DIAPH3: variants seen among roughly 807,000 people sequenced by gnomAD.
The protein encoded by DIAPH3 is protein diaphanous homolog 3.
DIAPH3 carries 117 observed loss-of-function variants against 144.3 expected under a neutral mutation model. The ratio of observed to expected loss-of-function variants is 0.81; its 90% confidence interval spans 0.70 to 0.95. The LOEUF is 0.95. Among genes scored for constraint, DIAPH3 ranks in the 40% least tolerant of loss-of-function variants. The pLI, the probability that DIAPH3 is intolerant of heterozygous loss-of-function variation, is 0.00. For synonymous variants in DIAPH3, 519 were observed against 488.9 expected (o/e 1.06, Z -0.81); for missense variants, 1,421 against 1,412.7 (o/e 1.01, Z -0.09).
intron 17 of DIAPH3, among the ~76,000 whole-genome samples, chr13:59,948,799 C>G (rs535623665): frequency 6.6e-6 from 1 of 150,868 alleles, no homozygotes; most frequent in East Asian, 2.0e-4. Flanking sequence ...TAATGTGGTT[C>G]TTTCTACACC....
At chr13:59,916,476 C>T (rs961942096) in intron 18 of DIAPH3, among the ~76,000 whole-genome samples, 16 of 152,036 alleles carry the variant, frequency 1.1e-4, no homozygotes, top group Non-Finnish European at 2.1e-4. Context: ...TGTTATTGCA[C>T]TGGATCCAAG....
intron 20 of DIAPH3, among the ~76,000 whole-genome samples, chr13:59,887,879 C>G (rs1483784620): frequency 6.6e-6 from 1 of 151,776 alleles, no homozygotes; most frequent in Non-Finnish European, 1.5e-5. Flanking sequence ...AATTTTGATG[C>G]TCAATTTTTA....
intron 1 of DIAPH3, among the ~76,000 whole-genome samples, chr13:60,137,778 C>T (rs1484466660): frequency 2.1e-5 from 3 of 141,624 alleles, no homozygotes; most frequent in South Asian, 4.5e-4. Flanking sequence ...CAGTCTTGCT[C>T]GGTCACCCAG....
rs190716715 is a variant in DIAPH3, at chr13:59,967,553, T to C, written c.2074+2391A>G. On this transcript the variant is annotated intron_variant, in intron 17 of 27. Transcript: ENST00000400324. Reference sequence around the variant, plus strand: ...TCTAAGCTCTCTGGACATCTTTCTCTTTCCTTCCTTTCTGATCTTTCCTAT... The same window carrying C: ...TCTAAGCTCTCTGGACATCTTTCTCCTTCCTTCCTTTCTGATCTTTCCTAT... Among the ~76,000 whole-genome samples the C allele has an allele frequency of 3.3e-3, 501 of 152,296 alleles. 2 individuals carry two copies. The highest frequency in any genetic ancestry group is 0.011 in the African/African-American group (461 of 41,562).
chr13:60,048,220 G>T (rs1057281114), intron 4 of DIAPH3, among the ~76,000 whole-genome samples: 1 of 152,178 alleles, frequency 6.6e-6, no homozygotes, highest in Non-Finnish European at 1.5e-5. Context: ...CAGAAAAATG[G>T]GATGGGTAAA....
chr13:59,684,723 CAG>C (rs1339567747), intron 27 of DIAPH3, among the ~76,000 whole-genome samples: 13 of 152,248 alleles, frequency 8.5e-5, no homozygotes, highest in Admixed American at 2.6e-4. Context: ...CGGGTTAAAA[CAG>C]AGTCATAGAA....
chr13:59,847,256 G>A (rs937048584), intron 22 of DIAPH3, among the ~76,000 whole-genome samples: 1 of 152,106 alleles, frequency 6.6e-6, no homozygotes, highest in Non-Finnish European at 1.5e-5. Flanking sequence ...TTACTATACT[G>A]TATGCAATGA....
chr13:60,088,385 C>G (rs1377650186), intron 4 of DIAPH3, among the ~76,000 whole-genome samples: 1 of 152,128 alleles, frequency 6.6e-6, no homozygotes, highest in Non-Finnish European at 1.5e-5. Context: ...TCCTATCTAT[C>G]TCTCAAACTT....
chr13:59,743,420 G>C (rs1292825341), intron 27 of DIAPH3, among the ~76,000 whole-genome samples: 2 of 152,088 alleles, frequency 1.3e-5, no homozygotes, highest in African/African-American at 4.8e-5. Context: ...TTCCAACATG[G>C]GGGAGCAAGT....
In DIAPH3 at chr13:59,811,116, C is replaced by T. The variant is rs73208953; in HGVS notation, c.3028-193G>A. Among the ~76,000 whole-genome samples, 6,445 of 151,980 alleles carry T rather than the reference C, an allele frequency of 0.042. 157 individuals carry two copies. Among genetic ancestry groups the T allele is most frequent in the African/African-American group, 0.05 (2,064 of 41,442 alleles). On this transcript the variant is annotated intron_variant, in intron 24 of 27. Coordinates refer to ENST00000400324, the MANE Select transcript of DIAPH3 (RefSeq NM_001042517.2). ...TAACTATGTTATGTATCTATAAATA[C>T]GACTGTTATTAAACTTAAACCTGCA...
rs199783318 is a variant in DIAPH3 at position 60,024,912 on chromosome 13, CT to C, written c.627-8768del. On this transcript the variant is annotated intron_variant, in intron 5 of 27. Coordinates refer to ENST00000400324, the MANE Select transcript of DIAPH3 (RefSeq NM_001042517.2). Reference sequence around the variant, plus strand: ...TGCCTCATTATGCTCACCATGTAACCTACAATAGCACCATGGAAGGGGGATG... The same window carrying C: ...TGCCTCATTATGCTCACCATGTAACCACAATAGCACCATGGAAGGGGGATG... 3.5e-3 allele frequency among the ~76,000 whole-genome samples: 532 copies of C among 152,168 alleles called. 11 individuals carry two copies. In the East Asian group the frequency reaches 0.047, roughly 13 times the overall value.
At position 59,992,580 on chromosome 13, in the gene DIAPH3, C is replaced by A; in HGVS notation, c.1018G>T (p.Ala340Ser). Residue 340 changes from alanine (A) to serine (S), a missense_variant, in exon 10 of 28, where the codon GCT (alanine) becomes TCT (serine). Transcript: ENST00000400324. ...AGGGCATTGATGAGCTGCATACAAG[C>A]TACCTACAAGAGATCAAACAGTGAG... is the stretch of plus-strand genomic sequence containing the variant. Reference protein sequence around the residue: ...LRHNSVQLQVACMQLINALVT... With the variant: ...LRHNSVQLQVSCMQLINALVT... The A allele has an allele frequency of 6.2e-7, 1 of 1,610,866 alleles. No individual in the cohort carries two copies. The highest frequency in any genetic ancestry group is 8.5e-7 in the Non-Finnish European group (1 of 1,178,172).
intron 13 of DIAPH3, 60 bp downstream of exon 13, chr13:59,983,709 A>G: frequency 4.4e-6 from 5 of 1,139,576 alleles, no homozygotes; most frequent in South Asian, 1.3e-5. Flanking sequence ...CCAATGCCCT[A>G]GAGCTCATTC....
chr13:60,086,403 TAAC>T (rs2057748456), intron 4 of DIAPH3, among the ~76,000 whole-genome samples: 1 of 152,140 alleles, frequency 6.6e-6, no homozygotes, highest in Non-Finnish European at 1.5e-5. Context: ...AAAATACTCT[TAAC>T]AAGAAATCGG....
At chr13:59,789,762 C>A (rs1305580069) in intron 25 of DIAPH3, among the ~76,000 whole-genome samples, 3 of 151,962 alleles carry the variant, frequency 2.0e-5, no homozygotes, top group African/African-American at 4.8e-5. Flanking sequence ...AGCTTGGATT[C>A]GAGGCTGAAG....
At chr13:60,058,366 C>T (rs567030413) in intron 4 of DIAPH3, among the ~76,000 whole-genome samples, 40 of 151,930 alleles carry the variant, frequency 2.6e-4, no homozygotes, top group African/African-American at 8.9e-4. Context: ...CTAGAATGAT[C>T]GTTATTAAAA....
chr13:59,831,821 C>T (rs1273708221), intron 24 of DIAPH3, among the ~76,000 whole-genome samples: 1 of 151,888 alleles, frequency 6.6e-6, no homozygotes, highest in Non-Finnish European at 1.5e-5. Flanking sequence ...TGAATTAACC[C>T]TTTACTGTAT....
intron 3 of DIAPH3, among the ~76,000 whole-genome samples, chr13:60,098,765 C>T (rs1193104742): frequency 6.6e-6 from 1 of 152,114 alleles, no homozygotes; most frequent in Non-Finnish European, 1.5e-5. Context: ...AATGACACTG[C>T]AGACACAGAT....
chr13:59,781,122 T>G (rs552683459), intron 25 of DIAPH3, among the ~76,000 whole-genome samples: 1 of 152,262 alleles, frequency 6.6e-6, no homozygotes, highest in Non-Finnish European at 1.5e-5. Flanking sequence ...TTTAAATAAC[T>G]AAGCATACAA....
Sources: allele counts gnomAD v4.1 joint callset (sites outside exome capture counted in the v4.1 genomes callset), GRCh38; gene constraint gnomAD v4.1.1; transcripts MANE v1.5; gene names NCBI Gene and HGNC (gene_info 2026-07-23, HGNC 2026-07-21).